Variants in RNF212B observed in about 807,000 individuals in gnomAD.
RNF212B encodes ring finger protein 212B.
A neutral mutation model predicts 55.5 loss-of-function variants in RNF212B; 52 were observed. The observed-to-expected ratio is 0.94, with a 90% CI of 0.75 to 1.18. The LOEUF (loss-of-function observed/expected upper bound fraction) is 1.18, where lower values mean the gene tolerates loss of function less well. Among genes scored for constraint, RNF212B ranks in the 50% most tolerant of loss-of-function variants. The pLI, the probability that RNF212B is intolerant of heterozygous loss-of-function variation, is 0.00. For missense variants in RNF212B, 289 were observed against 350.4 expected (o/e 0.82, Z 1.40); for synonymous variants, 99 against 121.4 (o/e 0.82, Z 1.21).
intron 2 of RNF212B, among the ~76,000 whole-genome samples, chr14:23,214,952 AAAAT>A (rs1383361207): frequency 6.6e-6 from 1 of 152,238 alleles, no homozygotes; most frequent in East Asian, 1.9e-4. Flanking sequence ...TTTTCAGAAA[AAAAT>A]AAAGACAAAG....
Position 23,272,854 on chromosome 14 carries a change from TACCCAGTGGGAGAGAAGCATGGACC to T in RNF212B, c.869_893del (p.Pro290LeufsTer20), listed in dbSNP as rs1250743293. On this transcript the variant is annotated frameshift_variant, in exon 15 of 15. Coordinates refer to ENST00000430154, the MANE Select transcript of RNF212B (RefSeq NM_001282322.3). LOFTEE classifies it high-confidence loss of function. Reference sequence around the variant, plus strand: ...TACCAACAACGGAGGCATATGGGATTACCCAGTGGGAGAGAAGCATGGACCACTTCTAGATAGATCATCTTCAAGA... The same window carrying T: ...TACCAACAACGGAGGCATATGGGATTACTTCTAGATAGATCATCTTCAAGA... 1 of 1,548,732 alleles carries T rather than the reference TACCCAGTGGGAGAGAAGCATGGACC, an allele frequency of 6.5e-7. No homozygotes were observed. The highest frequency in any genetic ancestry group is 2.0e-5 in the Admixed American group (1 of 50,862).
intron 4 of RNF212B, among the ~76,000 whole-genome samples, chr14:23,246,612 C>T (rs1242021564): frequency 6.6e-6 from 1 of 151,974 alleles, no homozygotes; most frequent in Admixed American, 6.6e-5. Context: ...AAACAAAAAA[C>T]AGAGACAGTC....
intron 1 of RNF212B, among the ~76,000 whole-genome samples, chr14:23,239,699 A>G (rs1276260143): frequency 6.6e-6 from 1 of 151,550 alleles, no homozygotes; most frequent in Non-Finnish European, 1.5e-5. Flanking sequence ...GCTCACTGCA[A>G]CCTCTGCCTC....
At chr14:23,233,531 G>T (rs1197478171), upstream of RNF212B, among the ~76,000 whole-genome samples, 9 of 135,970 alleles carry the variant, frequency 6.6e-5, no homozygotes, top group Non-Finnish European at 1.2e-4. Context: ...TCTGAGACCA[G>T]CCTGGGCAAC....
rs55661012 is a variant in RNF212B at position 23,262,646 on chromosome 14, C to CTTTTTTTTTTT, written c.435-10_435-9insTTTTTTTTTTT. ...CTGCCTAGAGAGATTAGAGCCGCCT[C>CTTTTTTTTTTT]TTTTTTTTTCCCTTGCAGGTCAATC... On this transcript the variant is annotated intron_variant, in intron 7 of 14. Coordinates refer to ENST00000430154, the MANE Select transcript of RNF212B (RefSeq NM_001282322.3). 1 of 1,526,606 alleles carries CTTTTTTTTTTT rather than the reference C, an allele frequency of 6.6e-7. No homozygotes were observed. The highest frequency in any genetic ancestry group is 2.0e-5 in the Admixed American group (1 of 49,934). 94.6% of individuals were successfully genotyped at this position (1,526,606 alleles called of 1,614,324 possible). A position where few individuals can be genotyped will look rare whatever the true frequency, so the allele number is the denominator to read the frequency against.
At chr14:23,220,754 G>A (rs918258383) in intron 2 of RNF212B, among the ~76,000 whole-genome samples, 2 of 151,864 alleles carry the variant, frequency 1.3e-5, no homozygotes, top group Admixed American at 1.3e-4. Flanking sequence ...GAACCTGGGA[G>A]ATGGAACTTG....
chr14:23,220,185 GAAAAAC>G (rs55781375), intron 2 of RNF212B, among the ~76,000 whole-genome samples: 56,259 of 143,886 alleles, frequency 0.39, 11,933 homozygotes, highest in Non-Finnish European at 0.48. Context: ...ACTGTCTCGG[GAAAAAC>G]AAAAACAAAA....
chr14:23,250,701 C>A (rs889267148), intron 4 of RNF212B, among the ~76,000 whole-genome samples: 2 of 152,094 alleles, frequency 1.3e-5, no homozygotes, highest in Non-Finnish European at 2.9e-5. Flanking sequence ...TGAGGACATG[C>A]GCCTCAGAAG....
At chr14:23,261,983 ACAG>A (rs1432436189) in intron 7 of RNF212B, among the ~76,000 whole-genome samples, 1 of 151,534 alleles carries the variant, frequency 6.6e-6, no homozygotes, top group East Asian at 1.9e-4. Flanking sequence ...AAACAAAAAA[ACAG>A]AAAACAAAAC....
intron 1 of RNF212B, among the ~76,000 whole-genome samples, chr14:23,238,385 C>G (rs764185149): frequency 6.6e-6 from 1 of 151,904 alleles, no homozygotes; most frequent in Non-Finnish European, 1.5e-5. Context: ...CATTTTTTAT[C>G]GTAAATCTTA....
At chr14:23,238,768 A>ATCATC (rs1555316052) in intron 1 of RNF212B, among the ~76,000 whole-genome samples, 19 of 117,458 alleles carry the variant, frequency 1.6e-4, no homozygotes, top group African/African-American at 4.3e-4. Flanking sequence ...TAATAATAAT[A>ATCATC]ATAATAATAA....
intron 1 of RNF212B, chr14:23,188,058 A>G (rs1877767403): frequency 6.6e-6 from 1 of 152,254 alleles, no homozygotes; most frequent in Admixed American, 6.5e-5. Context: ...GCATATTCAT[A>G]AGTTCAAAGG....
chr14:23,251,219 C>T (rs974534936), intron 4 of RNF212B, among the ~76,000 whole-genome samples: 1 of 151,398 alleles, frequency 6.6e-6, no homozygotes, highest in African/African-American at 2.4e-5. Context: ...CTGATACCAA[C>T]CAGTTCTCTG....
At chr14:23,272,213 C>T (rs1002926997) in intron 14 of RNF212B, among the ~76,000 whole-genome samples, 1 of 151,884 alleles carries the variant, frequency 6.6e-6, no homozygotes, top group Non-Finnish European at 1.5e-5. Flanking sequence ...GTCAGGAGAT[C>T]GAGACCATCC....
At chr14:23,200,955 A>G (rs1200420123) in intron 2 of RNF212B, among the ~76,000 whole-genome samples, 3 of 152,242 alleles carry the variant, frequency 2.0e-5, no homozygotes, top group African/African-American at 7.2e-5. Flanking sequence ...CAAATTCTGG[A>G]GAAAATCAAT....
chr14:23,233,732 AC>A (rs1356904100), upstream of RNF212B, among the ~76,000 whole-genome samples: 1 of 132,954 alleles, frequency 7.5e-6, no homozygotes, highest in Non-Finnish European at 1.6e-5. Context: ...ACAGAGTGAG[AC>A]CCTGTCTCAA....
Position 23,217,679 on chromosome 14 carries a change from T to A in RNF212B, c.-1-22666T>A, listed in dbSNP as rs192282976. ...ATCACATCCAAGACCACCAAGGTGG[T>A]ACTTCTATGAGTCTGCAAAAATCAC... is the stretch of plus-strand genomic sequence containing the variant. On this transcript the variant is annotated intron_variant, in intron 2 of 15. Transcript: ENST00000399910. Among the ~76,000 whole-genome samples, 36 of 152,196 alleles carry A rather than the reference T, an allele frequency of 2.4e-4. No individual in the cohort carries two copies. In the East Asian group the frequency reaches 5.3e-3, roughly 22 times the overall value.
At chr14:23,206,177 C>T (rs1879814600) in intron 2 of RNF212B, among the ~76,000 whole-genome samples, 1 of 152,112 alleles carries the variant, frequency 6.6e-6, no homozygotes, top group South Asian at 2.1e-4. Context: ...TGGGTTCAAG[C>T]CATTCTCCTG....
At chr14:23,230,672 A>C (rs1046996441) in intron 2 of RNF212B, among the ~76,000 whole-genome samples, 1 of 151,108 alleles carries the variant, frequency 6.6e-6, no homozygotes, top group Admixed American at 6.6e-5. Flanking sequence ...AAAAAAAAAA[A>C]AAAAAAAAAA....
Sources: gnomAD v4.1 joint callset for allele counts (sites outside exome capture counted in the v4.1 genomes callset) on GRCh38, gnomAD v4.1.1 for gene constraint, MANE v1.5 for transcripts, NCBI Gene and HGNC (gene_info 2026-07-23, HGNC 2026-07-21) for gene names.